Variants in NEBL observed in about 807,000 individuals in gnomAD.
NEBL encodes LIM and SH3 protein 2.
A neutral mutation model predicts 140.2 loss-of-function variants in NEBL; 122 were observed. The observed-to-expected ratio is 0.87, with a 90% CI of 0.75 to 1.01. NEBL has a LOEUF of 1.01. Among genes scored for constraint, NEBL ranks in the 50% least tolerant of loss-of-function variants. The pLI is 0.00. For missense variants in NEBL, 1,365 were observed against 1,231.3 expected, an observed-to-expected ratio of 1.11 and a Z score of -1.62; for synonymous variants, 436 against 398.9, an observed-to-expected ratio of 1.09 and a Z score of -1.11.
In NEBL at chr10:20,785,266, A is replaced by G. The variant is rs1170550076; in HGVS notation, c.*481T>C. On this transcript the variant is annotated 3_prime_UTR_variant, in exon 28 of 28. Coordinates refer to ENST00000377122, the MANE Select transcript of NEBL (RefSeq NM_006393.3). Reference sequence around the variant, plus strand: ...AGACTGTCCTTCTGCCACTGTTTACACTTATTATATTGGGCAATTTTCACT... The same window carrying G: ...AGACTGTCCTTCTGCCACTGTTTACGCTTATTATATTGGGCAATTTTCACT... 1 of 198,902 alleles carries G rather than the reference A, an allele frequency of 5.0e-6. No homozygotes were observed. The highest frequency in any genetic ancestry group is 1.0e-5 in the Non-Finnish European group (1 of 96,640). The allele number at this position is 198,902 out of a possible 1,614,324, so 12.3% of individuals were successfully genotyped here.
chr10:21,218,477 A>G (rs1430466531), intron 3 of NEBL, among the ~76,000 whole-genome samples: 2 of 148,968 alleles, frequency 1.3e-5, no homozygotes. Context: ...AAATTTTTTT[A>G]TCTTTGCTTT....
chr10:20,849,427 C>T (rs761369552), intron 11 of NEBL, among the ~76,000 whole-genome samples: 11 of 152,134 alleles, frequency 7.2e-5, no homozygotes, highest in Admixed American at 3.9e-4. Flanking sequence ...TCATCCCCAA[C>T]GCAACACTGT....
chr10:20,936,692 C>G (rs940008373), intron 4 of NEBL, among the ~76,000 whole-genome samples: 2 of 152,194 alleles, frequency 1.3e-5, no homozygotes, highest in Non-Finnish European at 2.9e-5. Context: ...ATAAATAATG[C>G]AGTGTTTTCT....
intron 2 of NEBL, among the ~76,000 whole-genome samples, chr10:21,168,407 A>T (rs1036261727): frequency 2.0e-5 from 3 of 152,028 alleles, no homozygotes; most frequent in African/African-American, 7.2e-5. Context: ...ACTGTGAGAG[A>T]TTCTGTAAAT....
At chr10:20,915,535 T>C (rs1315961143) in intron 4 of NEBL, among the ~76,000 whole-genome samples, 1 of 151,796 alleles carries the variant, frequency 6.6e-6, no homozygotes, top group African/African-American at 2.4e-5. Flanking sequence ...GATAGTTTAC[T>C]GAGAATGATG....
At chr10:20,930,334 G>GA (rs1449279235) in intron 4 of NEBL, among the ~76,000 whole-genome samples, 2 of 152,112 alleles carry the variant, frequency 1.3e-5, no homozygotes, top group Non-Finnish European at 2.9e-5. Flanking sequence ...AAGCAAAACT[G>GA]AAATTCATCT....
chr10:21,144,949 T>A, intron 2 of NEBL, among the ~76,000 whole-genome samples: 2 of 134,428 alleles, frequency 1.5e-5, no homozygotes, highest in African/African-American at 3.0e-5. Flanking sequence ...AAAAAGCCCC[T>A]TCAAATTAAA....
At position 20,780,829 on chromosome 10, in the gene NEBL, TC is replaced by T. The variant is rs1475217174; in HGVS notation, c.*4917del. 6.6e-6 allele frequency: 1 copy of T among 152,218 alleles called. No homozygotes were observed. Among genetic ancestry groups the T allele is most frequent in the Admixed American group, 6.5e-5 (1 of 15,282 alleles). 9.4% of individuals were successfully genotyped at this position (152,218 alleles called of 1,614,324 possible). On this transcript the variant is annotated 3_prime_UTR_variant, in exon 28 of 28. Coordinates refer to ENST00000377122, the MANE Select transcript of NEBL (RefSeq NM_006393.3). ...ATTAAAGCCATTGCTGACACAGCCA[TC>T]TGTCATTCCTGGTTTGCCGTCATTT...
chr10:20,801,668 T>C (rs1837133185), intron 26 of NEBL, among the ~76,000 whole-genome samples: 1 of 151,966 alleles, frequency 6.6e-6, no homozygotes. Flanking sequence ...ACTAGATAAA[T>C]GTTTGATGAC....
At chr10:20,823,176 A>G (rs183328178) in intron 19 of NEBL, 32 bp downstream of exon 19, 1 of 1,521,692 alleles carries the variant, frequency 6.6e-7, no homozygotes, top group Non-Finnish European at 9.0e-7. Flanking sequence ...ATACAATAAA[A>G]TTTTTAAAAA....
At chr10:21,256,455 G>T (rs1842661183) in intron 1 of NEBL, among the ~76,000 whole-genome samples, 1 of 151,774 alleles carries the variant, frequency 6.6e-6, no homozygotes, top group Non-Finnish European at 1.5e-5. Flanking sequence ...AAATTTCCTG[G>T]GATATTACAA....
intron 3 of NEBL, among the ~76,000 whole-genome samples, chr10:20,963,039 C>CACACACACACACACACAT (rs1253708759): frequency 4.7e-5 from 7 of 150,188 alleles, no homozygotes; most frequent in African/African-American, 1.7e-4. Flanking sequence ...CACACACACA[C>CACACACACACACACACAT]ACACACACGG....
chr10:21,143,742 G>C (rs1179574246), intron 2 of NEBL, among the ~76,000 whole-genome samples: 1 of 151,908 alleles, frequency 6.6e-6, no homozygotes, highest in Non-Finnish European at 1.5e-5. Flanking sequence ...TAAGTGACTT[G>C]AACCAGAGAG....
At chr10:21,169,067 A>AAAAAAAAATATATATAT (rs1554830679) in intron 2 of NEBL, among the ~76,000 whole-genome samples, 2 of 23,074 alleles carry the variant, frequency 8.7e-5, no homozygotes, top group African/African-American at 2.6e-4. Flanking sequence ...AAAAAAAAAA[A>AAAAAAAAATATATATAT]ATATATATAT....
chr10:21,049,648 A>G (rs1464570684), intron 2 of NEBL, among the ~76,000 whole-genome samples: 1 of 152,062 alleles, frequency 6.6e-6, no homozygotes, highest in Non-Finnish European at 1.5e-5. Context: ...AGTCAAATTA[A>G]ACCAACCGCC....
chr10:20,808,362 A>T, intron 26 of NEBL, 148 bp downstream of exon 26: 1 of 815,786 alleles, frequency 1.2e-6, no homozygotes, highest in Non-Finnish European at 1.9e-6. Context: ...AAAAAAAAAA[A>T]GACTATTAAC....
upstream of NEBL, among the ~76,000 whole-genome samples, chr10:21,176,716 A>AC (rs964778223): frequency 4.6e-5 from 7 of 152,074 alleles, no homozygotes; most frequent in Non-Finnish European, 8.8e-5. Context: ...TGTTAACTCT[A>AC]CCCCAATATC....
chr10:20,982,722 T>TC (rs202038562), intron 3 of NEBL, among the ~76,000 whole-genome samples: 2 of 152,144 alleles, frequency 1.3e-5, no homozygotes, highest in South Asian at 2.1e-4. Flanking sequence ...AGTATGGCCT[T>TC]CCCCCCCAAA....
intron 2 of NEBL, among the ~76,000 whole-genome samples, chr10:21,106,266 C>T (rs1210007664): frequency 6.6e-6 from 1 of 152,204 alleles, no homozygotes; most frequent in Non-Finnish European, 1.5e-5. Flanking sequence ...TTGCCCATGC[C>T]TATGTCCTGA....
Sources: gnomAD v4.1 joint callset for allele counts (sites outside exome capture counted in the v4.1 genomes callset) on GRCh38, gnomAD v4.1.1 for gene constraint, MANE v1.5 for transcripts, NCBI Gene and HGNC (gene_info 2026-07-23, HGNC 2026-07-21) for gene names.